The following DTWD1 variants were observed in gnomAD, a reference collection of about 807,000 sequenced individuals.
DTWD1 encodes DTW motif tRNA-uridine aminocarboxypropyltransferase 1, also known as tRNA-uridine aminocarboxypropyltransferase 1.
In DTWD1, 27 loss-of-function variants were observed where a neutral mutation model predicts 30.2. That is an observed-to-expected ratio of 0.90 (90% CI 0.66 to 1.23). The LOEUF (loss-of-function observed/expected upper bound fraction) is 1.23, where lower values mean the gene tolerates loss of function less well. Ranked by LOEUF, DTWD1 falls within the 50% of genes most tolerant of loss-of-function variation. The pLI, the probability that DTWD1 is intolerant of heterozygous loss-of-function variation, is 0.00. For missense variants in DTWD1, 342 were observed against 348.8 expected (o/e 0.98, Z 0.15); for synonymous variants, 99 against 113.1 (o/e 0.88, Z 0.79).
In DTWD1 at chr15:49,625,290, A is replaced by T. The variant is rs370208243; in HGVS notation, c.123A>T (p.Leu41Phe). Residue 41 changes from leucine to phenylalanine, a missense_variant, in exon 2 of 5, where the codon TTA becomes TTT. Transcript: ENST00000403028. The part of the protein sequence containing the change: ...ASEDPLQNLC[L>F]ASQEVLQKAQ... Reference sequence around the variant, plus strand: ...AAGATCCCCTTCAAAACTTATGTTTAGCATCTCAAGAAGTTCTTCAAAAAG... The same window carrying T: ...AAGATCCCCTTCAAAACTTATGTTTTGCATCTCAAGAAGTTCTTCAAAAAG... 1 of 1,613,558 alleles carries T rather than the reference A, an allele frequency of 6.2e-7. No individual in the cohort carries two copies. Among genetic ancestry groups the T allele is most frequent in the African/African-American group, 1.3e-5 (1 of 74,920 alleles).
chr15:49,633,049 C>CTATATCTATATCTATCTATATATATA (rs774517463), intron 3 of DTWD1, among the ~76,000 whole-genome samples: 15 of 117,342 alleles, frequency 1.3e-4, no homozygotes, highest in African/African-American at 4.3e-4. Flanking sequence ...ATATCTATAT[C>CTATATCTATATCTATCTATATATATA]TATATATATA....
At chr15:49,633,470 G>C (rs2078959402) in intron 3 of DTWD1, 1 of 159,086 alleles carries the variant, frequency 6.3e-6, no homozygotes, top group African/African-American at 2.4e-5. Context: ...GAGTAGCTGA[G>C]GCCATGGGTG....
chr15:49,631,922 T>C, intron 2 of DTWD1: 1 of 476,066 alleles, frequency 2.1e-6, no homozygotes, highest in East Asian at 3.9e-5. Context: ...AAGAGAAGAT[T>C]CTCTGTTAAA....
intron 2 of DTWD1, chr15:49,629,870 G>A (rs917061746): frequency 6.6e-6 from 1 of 152,128 alleles, no homozygotes; most frequent in African/African-American, 2.4e-5. Flanking sequence ...AACCCTAATT[G>A]AAAACTATTT....
At chr15:49,634,866 A>G in intron 4 of DTWD1, 72 bp downstream of exon 4, 1 of 1,430,086 alleles carries the variant, frequency 7.0e-7, no homozygotes, top group Non-Finnish European at 9.4e-7. Flanking sequence ...ACTTACAGAT[A>G]ATTTGAAAGA....
At chr15:49,633,053 A>C (rs28594959) in intron 3 of DTWD1, among the ~76,000 whole-genome samples, 61 of 114,600 alleles carry the variant, frequency 5.3e-4, no homozygotes, top group Middle Eastern at 4.5e-3. Flanking sequence ...CTATATCTAT[A>C]TATATATATA....
chr15:49,635,124 T>C (rs1411941261), intron 4 of DTWD1, among the ~76,000 whole-genome samples: 1 of 152,154 alleles, frequency 6.6e-6, no homozygotes, highest in Non-Finnish European at 1.5e-5. Context: ...AACCTCCTCC[T>C]CCTGGGTTCA....
In DTWD1 at chr15:49,651,478, TGAA is replaced by T; in HGVS notation, c.*7903_*7905del. ...AATGGAATGTCCACTGTGGAAAGGA[TGAA>T]GACTAAGCATAGGGTTCAGTAGCTT... On this transcript the variant is annotated 3_prime_UTR_variant, in exon 5 of 5. Coordinates refer to ENST00000403028, the MANE Select transcript of DTWD1 (RefSeq NM_001144955.2). 6.6e-6 allele frequency: 1 copy of T among 152,276 alleles called. No homozygotes were observed. The highest frequency in any genetic ancestry group is 3.4e-3 in the Middle Eastern group (1 of 294). The allele number at this position is 152,276 out of a possible 1,614,324, so 9.4% of individuals were successfully genotyped here.
intron 4 of DTWD1, among the ~76,000 whole-genome samples, chr15:49,641,054 A>G (rs891749988): frequency 1.3e-5 from 2 of 151,866 alleles, no homozygotes; most frequent in Non-Finnish European, 1.5e-5. Flanking sequence ...CTTTATTACT[A>G]TGTTAAATAA....
chr15:49,628,798 G>A (rs2078879429), intron 2 of DTWD1, among the ~76,000 whole-genome samples: 2 of 151,582 alleles, frequency 1.3e-5, no homozygotes, highest in Admixed American at 1.3e-4. Context: ...TCCATACGAA[G>A]CCTCAGAGCA....
At chr15:49,643,263 C>A in intron 4 of DTWD1, 68 bp from the exon 5 acceptor site, 3 of 1,417,608 alleles carry the variant, frequency 2.1e-6, no homozygotes, top group African/African-American at 1.5e-5. Flanking sequence ...TGTACCAAGC[C>A]TGTGGTTAAG....
chr15:49,623,653 T>C (rs758834163), intron 1 of DTWD1: 2 of 152,192 alleles, frequency 1.3e-5, no homozygotes, highest in Non-Finnish European at 1.5e-5. Flanking sequence ...ATATTGTGTC[T>C]GTATATGCAT....
chr15:49,625,188 A>G lies in DTWD1; in HGVS notation c.21A>G (p.Ile7Met). Reference sequence around the variant, plus strand: ...GAAGAATGTCTCTCAATCCACCTATATTTCTCAAACGAAGTGAAGAAAATA... The same window carrying G: ...GAAGAATGTCTCTCAATCCACCTATGTTTCTCAAACGAAGTGAAGAAAATA... MSLNPP[I>M]FLKRSEENSS... Residue 7 changes from isoleucine (I) to methionine (M), a missense_variant, in exon 2 of 5, where the codon ATA becomes ATG. By Grantham distance (10) the Ile-to-Met change is conservative (BLOSUM62 1). Coordinates refer to ENST00000403028, the MANE Select transcript of DTWD1 (RefSeq NM_001144955.2). The G allele has an allele frequency of 6.2e-7, 1 of 1,613,270 alleles. No homozygotes were observed. The highest frequency in any genetic ancestry group is 8.5e-7 in the Non-Finnish European group (1 of 1,179,562).
chr15:49,633,106 T>A (rs1014199094), intron 3 of DTWD1, among the ~76,000 whole-genome samples: 1 of 148,674 alleles, frequency 6.7e-6, no homozygotes, highest in Non-Finnish European at 1.5e-5. Context: ...AAAAATTATG[T>A]TTGTAAATAA....
At chr15:49,622,239 G>C (rs142326558) in intron 1 of DTWD1, among the ~76,000 whole-genome samples, 1 of 152,178 alleles carries the variant, frequency 6.6e-6, no homozygotes. Context: ...TTGAATGCTG[G>C]AGGGGATAGA....
At chr15:49,626,878 A>C in intron 2 of DTWD1, 1 of 342,090 alleles carries the variant, frequency 2.9e-6, no homozygotes. Context: ...TGCTCCGAAA[A>C]AACAAGAACT....
At position 49,634,620 on chromosome 15, in the gene DTWD1, A is replaced by G; in HGVS notation, c.493A>G (p.Arg165Gly). 1 of 1,613,946 alleles carries G rather than the reference A, an allele frequency of 6.2e-7. No individual in the cohort carries two copies. Among genetic ancestry groups the G allele is most frequent in the South Asian group, 1.1e-5 (1 of 91,072 alleles). ...HLQKRIQNNVRGKNDDPDKPS... is the reference protein window; with the variant it reads ...HLQKRIQNNVGGKNDDPDKPS... Reference sequence around the variant, plus strand: ...GCAAAAAAGGATTCAAAATAATGTTAGAGGCAAAAATGATGACCCTGACAA... The same window carrying G: ...GCAAAAAAGGATTCAAAATAATGTTGGAGGCAAAAATGATGACCCTGACAA... Residue 165 changes from arginine (R) to glycine (G), a missense_variant, in exon 4 of 5, where the codon AGA (arginine) becomes GGA (glycine). Physicochemically the swap from Arg to Gly is moderately radical, Grantham distance 125. Coordinates refer to ENST00000403028, the MANE Select transcript of DTWD1 (RefSeq NM_001144955.2).
rs978294175 is a variant in DTWD1 at position 49,655,712 on chromosome 15, T to G, written c.*12134T>G. 2.0e-5 allele frequency: 3 copies of G among 152,020 alleles called. No homozygotes were observed. Among genetic ancestry groups the G allele is most frequent in the Admixed American group, 6.6e-5 (1 of 15,232 alleles). 9.4% of individuals were successfully genotyped at this position (152,020 alleles called of 1,614,324 possible). On this transcript the variant is annotated 3_prime_UTR_variant, in exon 5 of 5. Coordinates refer to ENST00000403028, the MANE Select transcript of DTWD1 (RefSeq NM_001144955.2). ...TTACAGCCTTTGATTTTATTATCAC[T>G]CTGGGACCACGTTTTACTGTTGGCA...
At chr15:49,632,043 A>G (rs1160205226) in intron 2 of DTWD1, 116 bp from the exon 3 acceptor site, 2 of 928,002 alleles carry the variant, frequency 2.2e-6, no homozygotes, top group Admixed American at 2.3e-5. Flanking sequence ...TTTAAACCAT[A>G]TGCATATTTA....
Sources: allele counts gnomAD v4.1 joint callset (sites outside exome capture counted in the v4.1 genomes callset), GRCh38; gene constraint gnomAD v4.1.1; transcripts MANE v1.5; gene names NCBI Gene and HGNC (gene_info 2026-07-23, HGNC 2026-07-21).